The following ANKRD30A variants were observed in gnomAD, a reference collection of about 807,000 sequenced individuals.
The protein encoded by ANKRD30A is ankyrin repeat domain-containing protein 30A.
ANKRD30A carries 170 observed loss-of-function variants against 166.3 expected under a neutral mutation model. The ratio of observed to expected loss-of-function variants is 1.02; its 90% CI spans 0.90 to 1.16. The LOEUF is 1.16. Ranked by LOEUF, ANKRD30A falls within the 50% of genes most tolerant of loss-of-function variation. ANKRD30A has a pLI of 0.00. For synonymous variants in ANKRD30A, 564 were observed against 508.9 expected, an observed-to-expected ratio of 1.11 and a Z score of -1.46; for missense variants, 1,630 against 1,518.0, an observed-to-expected ratio of 1.07 and a Z score of -1.23.
chr10:37,262,343 A>C, the ANKRD30A span: 1 of 153,128 alleles, frequency 6.5e-6, no homozygotes, highest in South Asian at 2.1e-4. Flanking sequence ...CTAGAGAGTT[A>C]GCTGCTGAGA....
At chr10:37,220,819 G>A (rs991065402) in intron 34 of ANKRD30A, among the ~76,000 whole-genome samples, 10 of 151,114 alleles carry the variant, frequency 6.6e-5, no homozygotes, top group African/African-American at 2.4e-4. Context: ...GAGTAGAGAA[G>A]AGAAACACAG....
Position 37,166,700 on chromosome 10 carries a change from G to C in ANKRD30A, c.2155+5G>C. On this transcript the variant is annotated splice_donor_5th_base_variant and intron_variant, in intron 19 of 35. Transcript: ENST00000361713. ...AAATAAATGGAAAATTAGAAGGTAAGAACCGTTTTTTATTTAAAAATCATT... is the reference window on the plus strand; with the variant it reads ...AAATAAATGGAAAATTAGAAGGTAACAACCGTTTTTTATTTAAAAATCATT... The C allele has an allele frequency of 1.2e-6, 2 of 1,604,988 alleles. No individual in the cohort carries two copies. The highest frequency in any genetic ancestry group is 1.7e-6 in the Non-Finnish European group (2 of 1,177,642).
intron 25 of ANKRD30A, among the ~76,000 whole-genome samples, chr10:37,190,380 A>C (rs894059647): frequency 6.6e-6 from 1 of 151,770 alleles, no homozygotes; most frequent in African/African-American, 2.4e-5. Flanking sequence ...CAGGACAGAA[A>C]AGGTCAGGAG....
intron 5 of ANKRD30A, among the ~76,000 whole-genome samples, chr10:37,134,408 A>G (rs994987135): frequency 1.3e-5 from 2 of 152,156 alleles, no homozygotes; most frequent in African/African-American, 4.8e-5. Flanking sequence ...TGTGTAAGTC[A>G]AAAGGATTGG....
chr10:37,164,055 G>A (rs1839112939), intron 17 of ANKRD30A, among the ~76,000 whole-genome samples: 1 of 147,074 alleles, frequency 6.8e-6, no homozygotes, highest in South Asian at 2.1e-4. Context: ...AGTGTGATTT[G>A]AGTTTCCTGG....
At chr10:37,199,298 C>T (rs1209396027) in intron 29 of ANKRD30A, among the ~76,000 whole-genome samples, 1 of 151,996 alleles carries the variant, frequency 6.6e-6, no homozygotes, top group Non-Finnish European at 1.5e-5. Flanking sequence ...ATTGATAAAT[C>T]ATCTTTTTTG....
At position 37,134,111 on chromosome 10, in the gene ANKRD30A, T is replaced by A. The variant is rs559648269; in HGVS notation, c.755+58T>A. 486 of 1,582,020 alleles carry A rather than the reference T, an allele frequency of 3.1e-4. 1 individual carries two copies. Among genetic ancestry groups the A allele is most frequent in the Non-Finnish European group, 3.9e-4 (455 of 1,159,832 alleles). The stretch of plus-strand genomic sequence containing the variant: ...TTTATAGTTTGTTTCAGGTAGTTTT[T>A]GAATTACAGTGAGTTCACTTCATCA... On this transcript the variant is annotated intron_variant, in intron 5 of 35. Transcript: ENST00000361713.
chr10:37,251,964 C>T, the ANKRD30A span, among the ~76,000 whole-genome samples: 1 of 152,100 alleles, frequency 6.6e-6, no homozygotes, highest in East Asian at 1.9e-4. Flanking sequence ...AAAACTGATT[C>T]GAGGTTAAAA....
At chr10:37,126,209 C>T (rs1836001383) in intron 1 of ANKRD30A, among the ~76,000 whole-genome samples, 1 of 152,192 alleles carries the variant, frequency 6.6e-6, no homozygotes, top group South Asian at 2.1e-4. Context: ...GGGGTCCCTG[C>T]AGGGCGGAGG....
chr10:37,166,182 C>A (rs541324938), intron 18 of ANKRD30A, among the ~76,000 whole-genome samples: 3 of 152,058 alleles, frequency 2.0e-5, no homozygotes, highest in African/African-American at 7.2e-5. Flanking sequence ...CTAAACAGTT[C>A]TATGATCGTG....
chr10:37,219,542 A>G lies in ANKRD30A; in HGVS notation c.3830A>G (p.Asn1277Ser). 6.2e-7 allele frequency: 1 copy of G among 1,610,446 alleles called. No individual in the cohort carries two copies. The highest frequency in any genetic ancestry group is 1.1e-5 in the South Asian group (1 of 90,972). Reference protein sequence around the residue: ...LNYAGDALRENTLVSEHAQRD... With the variant: ...LNYAGDALRESTLVSEHAQRD... Reference sequence around the variant, plus strand: ...TATGCAGGAGATGCTCTAAGAGAAAATACATTGGTTTCAGAACATGCACAA... The same window carrying G: ...TATGCAGGAGATGCTCTAAGAGAAAGTACATTGGTTTCAGAACATGCACAA... The change falls in exon 34 of 36, where the codon AAT (asparagine) becomes AGT (serine). Residue 1277 changes from asparagine (N) to serine (S), a missense_variant. By Grantham distance (46) the Asn-to-Ser change is conservative (BLOSUM62 1). Around this residue, in one of 4 missense-constraint regions of ANKRD30A, gnomAD observed 712 missense variants for 629.3 expected, o/e 1.13. Transcript: ENST00000361713.
At chr10:37,165,252 T>G (rs1839225137) in intron 18 of ANKRD30A, 97 bp downstream of exon 18, 2 of 1,149,428 alleles carry the variant, frequency 1.7e-6, no homozygotes, top group Non-Finnish European at 2.5e-6. Flanking sequence ...TCTGCATGTG[T>G]CACCCTCAAA....
At chr10:37,211,742 T>C in intron 31 of ANKRD30A, among the ~76,000 whole-genome samples, 1 of 152,150 alleles carries the variant, frequency 6.6e-6, no homozygotes, top group South Asian at 2.1e-4. Flanking sequence ...TAATTTACAG[T>C]CCCACCAACA....
chr10:37,162,804 C>G lies in ANKRD30A; in HGVS notation c.1958C>G (p.Pro653Arg). The G allele has an allele frequency of 6.2e-7, 1 of 1,613,664 alleles. No individual in the cohort carries two copies. The highest frequency in any genetic ancestry group is 1.1e-5 in the South Asian group (1 of 91,058). The change falls in exon 17 of 36, where the codon CCA (proline) becomes CGA (arginine). Residue 653 changes from proline (P) to arginine (R), a missense_variant. By Grantham distance (103) the Pro-to-Arg change is moderately radical. Around this residue, in one of 4 missense-constraint regions of ANKRD30A, gnomAD observed 904 missense variants for 818.5 expected, o/e 1.10. Transcript: ENST00000361713. ...GCCACTGAAATGCAAAAGTCTGTCC[C>G]AAATAAAGCCTTGGAATTGAAAAAT... ...EPATEMQKSV[P>R]NKALELKNEQ... is the part of the protein sequence containing the mutation.
chr10:37,249,346 G>T, the ANKRD30A span, among the ~76,000 whole-genome samples: 3 of 152,054 alleles, frequency 2.0e-5, no homozygotes, highest in Non-Finnish European at 4.4e-5. Flanking sequence ...ATTTTCATTG[G>T]ATTATTTATG....
chr10:37,208,084 A>G (rs1008341625), intron 31 of ANKRD30A, among the ~76,000 whole-genome samples: 20 of 152,128 alleles, frequency 1.3e-4, no homozygotes, highest in African/African-American at 4.6e-4. Context: ...AAAAATTCAT[A>G]CGAGCTCTTT....
chr10:37,191,801 C>T (rs1420850254), intron 25 of ANKRD30A, among the ~76,000 whole-genome samples: 1 of 151,920 alleles, frequency 6.6e-6, no homozygotes, highest in East Asian at 1.9e-4. Flanking sequence ...CCAGACCATC[C>T]TGGCTAACAT....
chr10:37,199,037 A>C (rs1317888062), intron 29 of ANKRD30A, among the ~76,000 whole-genome samples: 1 of 152,060 alleles, frequency 6.6e-6, no homozygotes, highest in African/African-American at 2.4e-5. Context: ...TTTTTCCTAT[A>C]CATTTCTCAT....
chr10:37,197,471 T>C lies in ANKRD30A; in HGVS notation c.2707T>C (p.Leu903=), dbSNP rs1409853620. The C allele has an allele frequency of 6.2e-7, 1 of 1,612,220 alleles. No homozygotes were observed. Among genetic ancestry groups the C allele is most frequent in the East Asian group, 2.2e-5 (1 of 44,840 alleles). ...CTTGGAATTGAAGAATGAACAAACA[T>C]TGAGAGCAGGTACATTTTTCAATGT... is the stretch of plus-strand genomic sequence containing the variant. ...KALELKNEQT[L]RADQMFPSES... The change falls in exon 29 of 36, where the codon TTG becomes CTG. Residue 903 remains leucine, a synonymous_variant. Transcript: ENST00000361713.
Sources: gnomAD v4.1 joint callset for allele counts (sites outside exome capture counted in the v4.1 genomes callset) on GRCh38, gnomAD v4.1.1 for gene constraint, gnomAD v4.1.1 regional missense constraint, MANE v1.5 for transcripts, NCBI Gene and HGNC (gene_info 2026-07-23, HGNC 2026-07-21) for gene names.